The following WDR1 variants were observed in gnomAD, a reference collection of about 807,000 sequenced individuals.
WDR1 encodes WD repeat domain 1, also known as WD repeat-containing protein 1.
Under a neutral mutation model 71.9 loss-of-function variants are expected in WDR1, and 21 were observed. That is an observed-to-expected ratio of 0.29 (90% CI 0.21 to 0.42). The LOEUF (loss-of-function observed/expected upper bound fraction) is 0.42. Among genes scored for constraint, WDR1 ranks in the 10% least tolerant of loss-of-function variants. The pLI, the probability that WDR1 is intolerant of heterozygous loss-of-function variation, is 1.00. For synonymous variants in WDR1, 424 were observed against 347.4 expected, an observed-to-expected ratio of 1.22 and a Z score of -2.45; for missense variants, 696 against 824.5, an observed-to-expected ratio of 0.84 and a Z score of 1.91.
At chr4:10,113,849 G>T (rs574817142) in intron 2 of WDR1, among the ~76,000 whole-genome samples, 1 of 152,230 alleles carries the variant, frequency 6.6e-6, no homozygotes, top group African/African-American at 2.4e-5. Context: ...CTGGAGGAAC[G>T]GTGTTCCCTT....
At chr4:10,116,334 T>C in intron 1 of WDR1, 100 bp from the exon 2 acceptor site, 1 of 1,523,610 alleles carries the variant, frequency 6.6e-7, no homozygotes, top group Admixed American at 1.9e-5. Context: ...CGGTCACCTG[T>C]TGACTGCGCC....
chr4:10,099,720 T>C (rs982470838), intron 3 of WDR1, among the ~76,000 whole-genome samples: 5 of 152,250 alleles, frequency 3.3e-5, no homozygotes, highest in African/African-American at 1.2e-4. Flanking sequence ...GGGCTTCCTG[T>C]GCAGCTTCCC....
intron 1 of WDR1, chr4:10,116,447 C>T: frequency 1.2e-6 from 1 of 813,744 alleles, no homozygotes; most frequent in Non-Finnish European, 1.7e-6. Flanking sequence ...TCCGGCTCGG[C>T]CCACGGCGCC....
intron 2 of WDR1, among the ~76,000 whole-genome samples, chr4:10,111,970 T>C (rs1713399378): frequency 6.6e-6 from 1 of 152,210 alleles, no homozygotes; most frequent in Non-Finnish European, 1.5e-5. Context: ...CTGGATACTT[T>C]AAAAACCAGG....
rs372860205 is a variant in WDR1, at chr4:10,099,121, C to T, written c.248G>A (p.Arg83Lys). ...IASGDVSGKL[R>K]IWDTTQKEHL... ...CTCCTTCTGCGTGGTATCCCAGATCCTCAGCTTCCCAGACACATCTGTGGG... is the reference window on the plus strand; with the variant it reads ...CTCCTTCTGCGTGGTATCCCAGATCTTCAGCTTCCCAGACACATCTGTGGG... The change falls in exon 4 of 15, where the codon AGG becomes AAG. Residue 83 changes from arginine (R) to lysine (K), a missense_variant. Coordinates refer to ENST00000499869, the MANE Select transcript of WDR1 (RefSeq NM_017491.5). 3.7e-6 allele frequency: 6 copies of T among 1,605,106 alleles called. No individual in the cohort carries two copies. The African/African-American group carries it at 4.0e-5, about 11-fold the overall frequency.
chr4:10,095,111 G>A (rs1307966577), intron 5 of WDR1, among the ~76,000 whole-genome samples: 1 of 152,210 alleles, frequency 6.6e-6, no homozygotes, highest in Non-Finnish European at 1.5e-5. Flanking sequence ...ATGAAGACAG[G>A]CCCGAGTTGC....
At chr4:10,104,727 C>T (rs1712916345) in intron 2 of WDR1, among the ~76,000 whole-genome samples, 1 of 152,202 alleles carries the variant, frequency 6.6e-6, no homozygotes, top group Admixed American at 6.5e-5. Flanking sequence ...CACTGGGCTG[C>T]TCTCAATCTG....
intron 5 of WDR1, chr4:10,092,756 G>C (rs117670209): frequency 7.4e-6 from 2 of 269,730 alleles, no homozygotes; most frequent in South Asian, 3.5e-5. Flanking sequence ...ACGGAGGCCC[G>C]GCCAGTGAAC....
intron 3 of WDR1, among the ~76,000 whole-genome samples, chr4:10,102,517 G>A (rs1310429341): frequency 1.3e-5 from 2 of 152,166 alleles, no homozygotes; most frequent in Non-Finnish European, 2.9e-5. Context: ...TTCTGCCATG[G>A]ACTGACACAG....
intron 7 of WDR1, 88 bp downstream of exon 7, chr4:10,088,205 T>C (rs1234024990): frequency 1.5e-6 from 2 of 1,312,416 alleles, no homozygotes; most frequent in Non-Finnish European, 2.1e-6. Flanking sequence ...TTCAAGTTTT[T>C]GTCTAACTCC....
In WDR1 at chr4:10,116,726, C is replaced by A. The variant is rs34768406; in HGVS notation, c.-60G>T. On this transcript the variant is annotated 5_prime_UTR_variant, in exon 1 of 15. Transcript: ENST00000499869. ...GAGCCTCCGGGGCCGGCCCGCGCTG[C>A]GAATTACACCTCGCCGAGGCCGAGC... 220,708 of 1,296,610 alleles carry A rather than the reference C, an allele frequency of 0.17. 20,029 individuals are homozygous for A. The highest frequency in any genetic ancestry group is 0.23 in the Admixed American group (5,949 of 26,320). The allele number at this position is 1,296,610 out of a possible 1,614,324, so 80.3% of individuals were successfully genotyped here. A position where few individuals can be genotyped will look rare whatever the true frequency, so the allele number is the denominator to read the frequency against.
intron 3 of WDR1, among the ~76,000 whole-genome samples, chr4:10,103,142 C>T (rs1396831224): frequency 6.6e-6 from 1 of 152,214 alleles, no homozygotes; most frequent in Non-Finnish European, 1.5e-5. Flanking sequence ...AAAGCCCAGG[C>T]TGCAGAGAGC....
chr4:10,087,155 G>A (rs1369318294), intron 8 of WDR1, among the ~76,000 whole-genome samples: 3 of 152,192 alleles, frequency 2.0e-5, no homozygotes, highest in African/African-American at 7.2e-5. Flanking sequence ...TTCTAACTCC[G>A]TTTCCTCCTG....
chr4:10,076,759 G>A (rs1237759364), intron 14 of WDR1: 1 of 153,192 alleles, frequency 6.5e-6, no homozygotes, highest in Non-Finnish European at 1.5e-5. Flanking sequence ...ACACTAGGAG[G>A]AGAGTGGTAG....
chr4:10,075,716 A>T (rs1764774191), intron 14 of WDR1: 1 of 578,560 alleles, frequency 1.7e-6, no homozygotes, highest in Non-Finnish European at 3.1e-6. Flanking sequence ...CAGGGTAATT[A>T]GCAGCATCCC....
intron 12 of WDR1, 80 bp from the exon 13 acceptor site, chr4:10,078,006 GC>G (rs1319105170): frequency 6.9e-7 from 1 of 1,449,242 alleles, no homozygotes; most frequent in East Asian, 2.5e-5. Context: ...GGGGTCGAGG[GC>G]TTAAGAAACT....
intron 12 of WDR1, 124 bp downstream of exon 12, chr4:10,078,767 C>A (rs951944118): frequency 3.8e-6 from 3 of 787,856 alleles, no homozygotes; most frequent in Non-Finnish European, 6.0e-6. Context: ...GCCCCGACTG[C>A]CCCCATCCTT....
rs1000165031 is a variant in WDR1, at chr4:10,074,603, G to A, written c.*775C>T. 6.6e-6 allele frequency: 1 copy of A among 152,664 alleles called. No homozygotes were observed. Among genetic ancestry groups the A allele is most frequent in the Non-Finnish European group, 1.5e-5 (1 of 68,044 alleles). The allele number at this position is 152,664 out of a possible 1,614,324, so 9.5% of individuals were successfully genotyped here. A position where few individuals can be genotyped will look rare whatever the true frequency, so the allele number is the denominator to read the frequency against. On this transcript the variant is annotated 3_prime_UTR_variant, in exon 15 of 15. Transcript: ENST00000499869. ...AACCTTTGCTCTTGAGAGCAGAAGAGGGAAAGACAGGGGAACATCAAAGCA... is the reference window on the plus strand; with the variant it reads ...AACCTTTGCTCTTGAGAGCAGAAGAAGGAAAGACAGGGGAACATCAAAGCA...
intron 2 of WDR1, among the ~76,000 whole-genome samples, chr4:10,107,105 C>G (rs555399219): frequency 6.6e-6 from 1 of 152,178 alleles, no homozygotes; most frequent in African/African-American, 2.4e-5. Context: ...AGCCCCAGTG[C>G]TACTGTAGGC....
Sources: allele counts gnomAD v4.1 joint callset (sites outside exome capture counted in the v4.1 genomes callset), GRCh38; gene constraint gnomAD v4.1.1; transcripts MANE v1.5; gene names NCBI Gene and HGNC (gene_info 2026-07-23, HGNC 2026-07-21).